The following CDH19 variants were observed in gnomAD, a reference collection of about 807,000 sequenced individuals.
The protein encoded by CDH19 is cadherin 19.
In CDH19, 67 loss-of-function variants were observed where a neutral mutation model predicts 64.2. That is an observed-to-expected ratio of 1.04 (90% CI 0.86 to 1.28). The LOEUF (loss-of-function observed/expected upper bound fraction) is 1.28, where lower values mean the gene tolerates loss of function less well. Ranked by LOEUF, CDH19 falls within the 50% of genes most tolerant of loss-of-function variation. The pLI is 0.00. For missense variants in CDH19, 1,030 were observed against 929.0 expected, an observed-to-expected ratio of 1.11 and a Z score of -1.41; for synonymous variants, 346 against 319.3, an observed-to-expected ratio of 1.08 and a Z score of -0.89.
At chr18:66,506,765 T>C (rs918502480) in intron 11 of CDH19, among the ~76,000 whole-genome samples, 14 of 151,860 alleles carry the variant, frequency 9.2e-5, no homozygotes, top group Non-Finnish European at 1.9e-4. Flanking sequence ...ATTTCACATG[T>C]AGGATTTGAA....
rs545437166 is a variant in CDH19 at position 66,517,247 on chromosome 18, C to G, written c.1459-5562G>C. 1.0e-3 allele frequency among the ~76,000 whole-genome samples: 155 copies of G among 151,974 alleles called. 1 individual carries two copies. The highest frequency in any genetic ancestry group is 3.6e-3 in the African/African-American group (149 of 41,466). ...GAGAATCATAGATCACAAAATGCAA[C>G]CACTGAAATTTAGGAAAAAGAAAAT... On this transcript the variant is annotated intron_variant, in intron 9 of 11. Transcript: ENST00000262150.
intron 1 of CDH19, among the ~76,000 whole-genome samples, chr18:66,598,503 A>G (rs1474591437): frequency 6.6e-6 from 1 of 152,180 alleles, no homozygotes; most frequent in Non-Finnish European, 1.5e-5. Flanking sequence ...AATACTATAC[A>G]GCCATAAAAA....
At chr18:66,582,934 T>G (rs1018752625) in intron 1 of CDH19, among the ~76,000 whole-genome samples, 22 of 152,240 alleles carry the variant, frequency 1.4e-4, no homozygotes, top group African/African-American at 5.1e-4. Flanking sequence ...TGAAAAGAGA[T>G]AGATTCCAAT....
intron 1 of CDH19, among the ~76,000 whole-genome samples, chr18:66,598,780 A>G (rs1231971549): frequency 6.6e-6 from 1 of 152,080 alleles, no homozygotes; most frequent in Non-Finnish European, 1.5e-5. Context: ...AAACCGCAGC[A>G]ACATGCAATT....
chr18:66,593,203 T>C (rs796108221), intron 1 of CDH19, among the ~76,000 whole-genome samples: 11 of 152,098 alleles, frequency 7.2e-5, no homozygotes, highest in African/African-American at 2.6e-4. Flanking sequence ...CATAAATTCT[T>C]GTTATAAATT....
intron 7 of CDH19, among the ~76,000 whole-genome samples, chr18:66,536,964 A>C (rs1986698626): frequency 6.6e-6 from 1 of 151,906 alleles, no homozygotes; most frequent in South Asian, 2.1e-4. Flanking sequence ...AAAATTTGGA[A>C]TTTTCCCACT....
intron 9 of CDH19, among the ~76,000 whole-genome samples, chr18:66,520,841 T>C (rs1219685992): frequency 1.3e-5 from 2 of 152,048 alleles, no homozygotes; most frequent in Non-Finnish European, 2.9e-5. Context: ...GTTGCTCCTG[T>C]AGGATGATTT....
chr18:66,570,175 T>C (rs1240997713), intron 2 of CDH19, among the ~76,000 whole-genome samples: 1 of 151,614 alleles, frequency 6.6e-6, no homozygotes, highest in Non-Finnish European at 1.5e-5. Flanking sequence ...ATCATTTCAA[T>C]ATGATTTGAT....
chr18:66,502,893 T>G lies in CDH19; in HGVS notation c.*1919A>C, dbSNP rs371275209. The G allele has an allele frequency of 1.3e-5, 2 of 151,966 alleles. No homozygotes were observed. The highest frequency in any genetic ancestry group is 4.8e-5 in the African/African-American group (2 of 41,456). 9.4% of individuals were successfully genotyped at this position (151,966 alleles called of 1,614,324 possible). ...AGCTTTTGTGAAATGATAATATTTG[T>G]GTCACCAATTTAATGGTGCCTGTTT... On this transcript the variant is annotated 3_prime_UTR_variant, in exon 12 of 12. Coordinates refer to ENST00000262150, the MANE Select transcript of CDH19 (RefSeq NM_021153.4).
chr18:66,573,348 T>C (rs1243872565), intron 1 of CDH19, among the ~76,000 whole-genome samples: 4 of 151,774 alleles, frequency 2.6e-5, no homozygotes, highest in Middle Eastern at 3.4e-3. Flanking sequence ...AGAGATTTTT[T>C]AGGTCTTTGG....
intron 1 of CDH19, among the ~76,000 whole-genome samples, chr18:66,578,678 T>A (rs1401133300): frequency 6.6e-6 from 1 of 151,838 alleles, no homozygotes; most frequent in Middle Eastern, 3.2e-3. Flanking sequence ...TAAAATTATA[T>A]TTCCATATGA....
At chr18:66,532,814 T>C (rs996893696) in intron 8 of CDH19, 10 of 423,580 alleles carry the variant, frequency 2.4e-5, no homozygotes, top group African/African-American at 1.2e-4. Flanking sequence ...AGTTGTCCTT[T>C]GGATAAAACC....
In CDH19 at chr18:66,504,838, C is replaced by T; in HGVS notation, c.2293G>A (p.Gly765Ser). ...PRFKRLACMF[G>S]SAVQSNN is the part of the protein sequence containing the mutation. ...TAATTATTTGACTGCACTGCAGAAC[C>T]AAACATGCATGCTAATCTTTTAAAG... is the stretch of plus-strand genomic sequence containing the variant. The change falls in exon 12 of 12, where the codon GGT becomes AGT. Residue 765 changes from glycine (G) to serine (S), a missense_variant. Gly to Ser is a moderately conservative substitution (Grantham distance 56). Transcript: ENST00000262150. The T allele has an allele frequency of 1.9e-6, 3 of 1,605,030 alleles. No homozygotes were observed. Among genetic ancestry groups the T allele is most frequent in the East Asian group, 4.5e-5 (2 of 44,562 alleles).
chr18:66,564,811 C>T (rs1000017685), intron 3 of CDH19, among the ~76,000 whole-genome samples: 3 of 150,048 alleles, frequency 2.0e-5, no homozygotes, highest in African/African-American at 7.3e-5. Flanking sequence ...CCCGACTCTG[C>T]TTTGGTTTAA....
intron 9 of CDH19, among the ~76,000 whole-genome samples, chr18:66,529,490 T>C (rs1287398491): frequency 3.3e-5 from 5 of 150,946 alleles, no homozygotes; most frequent in Admixed American, 6.6e-5. Flanking sequence ...AATTTGAAAG[T>C]AGAAAACTTG....
chr18:66,585,789 C>A (rs1988560072), intron 1 of CDH19, among the ~76,000 whole-genome samples: 1 of 151,714 alleles, frequency 6.6e-6, no homozygotes, highest in African/African-American at 2.4e-5. Flanking sequence ...CATGTATTTT[C>A]AAATTATTTG....
Position 66,544,871 on chromosome 18 carries a change from G to A in CDH19, c.808C>T (p.Pro270Ser), listed in dbSNP as rs777685635. 4.3e-6 allele frequency: 7 copies of A among 1,609,914 alleles called. No individual in the cohort carries two copies. In the South Asian group the frequency reaches 6.7e-5, roughly 15 times the overall value. ...LYRLTVSESA[P>S]TGTSIGTIMA... ...ATTGTTCCTATAGAAGTCCCAGTGG[G>A]TGCAGATTCAGAGACAGTCAAGCGG... is the stretch of plus-strand genomic sequence containing the variant. The change falls in exon 6 of 12, where the codon CCC becomes TCC. Residue 270 changes from proline (P) to serine (S), a missense_variant. Transcript: ENST00000262150.
intron 7 of CDH19, among the ~76,000 whole-genome samples, chr18:66,537,424 A>C (rs1234529724): frequency 6.6e-6 from 1 of 151,978 alleles, no homozygotes; most frequent in Non-Finnish European, 1.5e-5. Context: ...TTAGGCTATC[A>C]TATCAGGGGA....
Position 66,505,204 on chromosome 18 carries a change from C to T in CDH19, c.1927G>A (p.Asp643Asn), listed in dbSNP as rs754909023. The change falls in exon 12 of 12, where the codon GAT (aspartate) becomes AAT (asparagine). Residue 643 changes from aspartate (D) to asparagine (N), a missense_variant. Physicochemically the swap from Asp to Asn is conservative, Grantham distance 23. Transcript: ENST00000262150. ...DFRENIFQYDDEGGGEEDTEA... is the reference protein window; with the variant it reads ...DFRENIFQYDNEGGGEEDTEA... ...GTATCTTCTTCTCCACCCCCTTCAT[C>T]ATCATATTGGAATATATTCTCTCTG... 4 of 1,613,042 alleles carry T rather than the reference C, an allele frequency of 2.5e-6. No homozygotes were observed. In the South Asian group the frequency reaches 3.3e-5, roughly 13 times the overall value.
Sources: gnomAD v4.1 joint callset for allele counts (sites outside exome capture counted in the v4.1 genomes callset) on GRCh38, gnomAD v4.1.1 for gene constraint, MANE v1.5 for transcripts, NCBI Gene and HGNC (gene_info 2026-07-23, HGNC 2026-07-21) for gene names.